EXOC4: variants seen among roughly 807,000 people sequenced by gnomAD.
EXOC4 encodes the protein exocyst complex component 4, also known as SEC8-like 1.
Under a neutral mutation model 107.2 loss-of-function variants are expected in EXOC4, and 71 were observed. The ratio of observed to expected loss-of-function variants is 0.66; its 90% confidence interval spans 0.55 to 0.81. The LOEUF (loss-of-function observed/expected upper bound fraction) is 0.81, where lower values mean the gene tolerates loss of function less well. Among genes scored for constraint, EXOC4 ranks in the 30% least tolerant of loss-of-function variants. The pLI is 0.00. For missense variants in EXOC4, 1,108 were observed against 1,189.6 expected (o/e 0.93, Z 1.01); for synonymous variants, 456 against 441.2 (o/e 1.03, Z -0.42).
intron 10 of EXOC4, among the ~76,000 whole-genome samples, chr7:133,682,173 C>T (rs567394850): frequency 6.6e-6 from 1 of 152,248 alleles, no homozygotes; most frequent in Middle Eastern, 3.4e-3. Context: ...GCTGCGATTA[C>T]AGGAGTAATC....
intron 7 of EXOC4, among the ~76,000 whole-genome samples, chr7:133,439,499 T>C (rs139218801): frequency 1.3e-5 from 2 of 152,250 alleles, no homozygotes; most frequent in Non-Finnish European, 2.9e-5. Context: ...TCATCAGTTC[T>C]AATGTATCAT....
chr7:134,051,911 G>A (rs1035560056), intron 17 of EXOC4, among the ~76,000 whole-genome samples: 20 of 151,816 alleles, frequency 1.3e-4, no homozygotes, highest in Non-Finnish European at 2.1e-4. Context: ...GCATGAACCC[G>A]GGAGGTAGAG....
intron 6 of EXOC4, among the ~76,000 whole-genome samples, chr7:133,374,231 T>C (rs1796438148): frequency 6.6e-6 from 1 of 152,226 alleles, no homozygotes; most frequent in Non-Finnish European, 1.5e-5. Flanking sequence ...GTGTCCAGCA[T>C]ATCTCACTGT....
intron 9 of EXOC4, among the ~76,000 whole-genome samples, chr7:133,593,632 C>G (rs1801599638): frequency 6.6e-6 from 1 of 152,162 alleles, no homozygotes; most frequent in Non-Finnish European, 1.5e-5. Context: ...TCTCCTGATT[C>G]TAGATTCCTT....
intron 11 of EXOC4, among the ~76,000 whole-genome samples, chr7:133,863,732 T>G (rs1344099879): frequency 6.6e-6 from 1 of 152,196 alleles, no homozygotes; most frequent in Non-Finnish European, 1.5e-5. Flanking sequence ...GCCAAGAAAA[T>G]CAAGGCTGTA....
At chr7:133,497,945 A>G (rs951306612) in intron 9 of EXOC4, among the ~76,000 whole-genome samples, 1 of 152,132 alleles carries the variant, frequency 6.6e-6, no homozygotes, top group Non-Finnish European at 1.5e-5. Context: ...TGTGGGCTTT[A>G]TAGTATGAGA....
At chr7:133,307,760 G>A (rs1040433358) in intron 4 of EXOC4, among the ~76,000 whole-genome samples, 1 of 152,202 alleles carries the variant, frequency 6.6e-6, no homozygotes, top group Non-Finnish European at 1.5e-5. Context: ...TGCTTATGCT[G>A]TTGAGTGTGG....
intron 10 of EXOC4, among the ~76,000 whole-genome samples, chr7:133,668,518 C>G (rs1167256251): frequency 6.6e-6 from 1 of 152,136 alleles, no homozygotes; most frequent in South Asian, 2.1e-4. Flanking sequence ...ATTGGTGCAA[C>G]CCTTTGCAAC....
intron 5 of EXOC4, among the ~76,000 whole-genome samples, chr7:133,344,303 C>T (rs910671514): frequency 6.6e-6 from 1 of 152,132 alleles, no homozygotes; most frequent in Admixed American, 6.5e-5. Context: ...TCTTGTGCTT[C>T]ATGGTTGTTT....
chr7:133,288,703 C>T (rs1046751353), intron 2 of EXOC4, among the ~76,000 whole-genome samples: 15 of 152,136 alleles, frequency 9.9e-5, no homozygotes, highest in African/African-American at 3.1e-4. Flanking sequence ...GTAGTTTTCT[C>T]ATTTCATGGG....
chr7:133,830,006 C>G (rs1046736364), intron 11 of EXOC4, among the ~76,000 whole-genome samples: 2 of 152,036 alleles, frequency 1.3e-5, no homozygotes, highest in Non-Finnish European at 2.9e-5. Context: ...TTTATAGTTA[C>G]AGCTATTCCC....
intron 10 of EXOC4, among the ~76,000 whole-genome samples, chr7:133,786,448 C>T (rs1796570610): frequency 6.6e-6 from 1 of 152,222 alleles, no homozygotes; most frequent in South Asian, 2.1e-4. Flanking sequence ...ACTGGATATG[C>T]CACCCAAAAA....
intron 9 of EXOC4, chr7:133,576,906 T>G (rs1243794321): frequency 1.6e-6 from 2 of 1,278,558 alleles, no homozygotes; most frequent in South Asian, 2.5e-5. Flanking sequence ...AACTTGTTTG[T>G]TCTTGCTTTC....
chr7:133,392,019 G>T (rs1175165131), intron 7 of EXOC4, among the ~76,000 whole-genome samples: 6 of 152,176 alleles, frequency 3.9e-5, no homozygotes, highest in Non-Finnish European at 5.9e-5. Context: ...AAGCACAACA[G>T]AAAGAAATAA....
chr7:133,516,258 A>T (rs543113364), intron 9 of EXOC4, among the ~76,000 whole-genome samples: 1 of 152,338 alleles, frequency 6.6e-6, no homozygotes, highest in Admixed American at 6.5e-5. Context: ...AGTGGTTTTT[A>T]GGGTGTTCAC....
rs905581207 is a variant in EXOC4, at chr7:133,857,906, C to T, written c.1735-37693C>T. Reference sequence around the variant, plus strand: ...ATGTCTTTGCCTCATTCAGTCCCACCGCCTCACTCTGGCGTACAGCTCCCA... The same window carrying T: ...ATGTCTTTGCCTCATTCAGTCCCACTGCCTCACTCTGGCGTACAGCTCCCA... On this transcript the variant is annotated intron_variant, in intron 11 of 17. Coordinates refer to ENST00000253861, the MANE Select transcript of EXOC4 (RefSeq NM_021807.4). Among the ~76,000 whole-genome samples the T allele has an allele frequency of 4.6e-5, 7 of 152,106 alleles. No individual in the cohort carries two copies. In the South Asian group the frequency reaches 6.2e-4, roughly 14 times the overall value.
chr7:133,794,546 A>G (rs570912666), intron 10 of EXOC4, among the ~76,000 whole-genome samples: 318 of 152,294 alleles, frequency 2.1e-3, no homozygotes, highest in Non-Finnish European at 3.5e-3. Flanking sequence ...TTTAGTTACT[A>G]GGCTATTCCA....
At chr7:133,435,571 C>A (rs1332130797) in intron 7 of EXOC4, among the ~76,000 whole-genome samples, 5 of 152,270 alleles carry the variant, frequency 3.3e-5, no homozygotes, top group Admixed American at 2.6e-4. Flanking sequence ...CTGGAAATGT[C>A]CCTTTTTTCT....
Position 133,295,118 on chromosome 7 carries a change from T to C in EXOC4, c.471+6002T>C, listed in dbSNP as rs1363804358. 3.3e-5 allele frequency among the ~76,000 whole-genome samples: 5 copies of C among 152,270 alleles called. No homozygotes were observed. The East Asian group carries it at 9.6e-4, about 29-fold the overall frequency. On this transcript the variant is annotated intron_variant, in intron 3 of 17. Coordinates refer to ENST00000253861, the MANE Select transcript of EXOC4 (RefSeq NM_021807.4). ...TGATATGATGATTGCTTCCATGTTA[T>C]AATCTCAAAAACTGCCTTTGAGGTG...
Sources: gnomAD v4.1 joint callset for allele counts (sites outside exome capture counted in the v4.1 genomes callset) on GRCh38, gnomAD v4.1.1 for gene constraint, MANE v1.5 for transcripts, NCBI Gene and HGNC (gene_info 2026-07-23, HGNC 2026-07-21) for gene names.